SH3GL3: variants seen among roughly 807,000 people sequenced by gnomAD.
SH3GL3 encodes endophilin-A3.
Under a neutral mutation model 47.7 loss-of-function variants are expected in SH3GL3, and 33 were observed. That is an observed-to-expected ratio of 0.69 (90% CI 0.52 to 0.92). SH3GL3 has a LOEUF of 0.92. SH3GL3 is among the 40% of genes least tolerant of loss of function. The probability of loss-of-function intolerance (pLI) is 0.00; values close to 1 mark genes in which losing one functional copy is unlikely to be tolerated. For synonymous variants in SH3GL3, 155 were observed against 148.8 expected, an observed-to-expected ratio of 1.04 and a Z score of -0.30; for missense variants, 363 against 417.8, an observed-to-expected ratio of 0.87 and a Z score of 1.14.
In SH3GL3 at chr15:83,565,126, C is replaced by G. The variant is rs757519795; in HGVS notation, c.115-8C>G. The G allele has an allele frequency of 7.3e-7, 1 of 1,371,986 alleles. No homozygotes were observed. The highest frequency in any genetic ancestry group is 2.3e-5 in the East Asian group (1 of 42,864). 85.0% of individuals were successfully genotyped at this position (1,371,986 alleles called of 1,614,324 possible). A position where few individuals can be genotyped will look rare whatever the true frequency, so the allele number is the denominator to read the frequency against. On this transcript the variant is annotated splice_polypyrimidine_tract_variant and splice_region_variant and intron_variant, in intron 2 of 8. Coordinates refer to ENST00000427482, the MANE Select transcript of SH3GL3 (RefSeq NM_003027.5). ...ATTTACTAACTTTTTTTAAATTTTG[C>G]TTTTAAGAAAATAGATGTTACCAAT...
chr15:83,553,499 C>T (rs1444085912), intron 1 of SH3GL3, among the ~76,000 whole-genome samples: 3 of 152,172 alleles, frequency 2.0e-5, no homozygotes, highest in African/African-American at 7.2e-5. Flanking sequence ...CTTCCTCCCT[C>T]TCCCTTTATT....
chr15:83,562,308 G>C (rs1056298650), intron 2 of SH3GL3, among the ~76,000 whole-genome samples: 2 of 151,900 alleles, frequency 1.3e-5, no homozygotes, highest in Non-Finnish European at 2.9e-5. Context: ...GCAAGTTTTT[G>C]GTCATTTGTT....
chr15:83,560,606 C>G (rs993547613), intron 2 of SH3GL3, among the ~76,000 whole-genome samples: 8 of 152,052 alleles, frequency 5.3e-5, no homozygotes, highest in African/African-American at 1.7e-4. Flanking sequence ...TCTTGCTTAC[C>G]TCCTTTTACC....
chr15:83,596,915 GT>G (rs1425291847), intron 8 of SH3GL3, among the ~76,000 whole-genome samples: 4 of 151,818 alleles, frequency 2.6e-5, no homozygotes, highest in Non-Finnish European at 4.4e-5. Flanking sequence ...CTGTACCTCT[GT>G]TTTTTTATTC....
intron 1 of SH3GL3, among the ~76,000 whole-genome samples, chr15:83,495,482 C>G (rs984247255): frequency 6.6e-6 from 1 of 152,326 alleles, no homozygotes; most frequent in Non-Finnish European, 1.5e-5. Context: ...TGCCTGTAAT[C>G]TCAGCATTTT....
chr15:83,530,582 T>C (rs1237894665), intron 1 of SH3GL3, among the ~76,000 whole-genome samples: 1 of 152,004 alleles, frequency 6.6e-6, no homozygotes, highest in Non-Finnish European at 1.5e-5. Context: ...TAGTCAGTCA[T>C]TTTGAACCTC....
At chr15:83,597,900 G>C (rs1253373238) in intron 8 of SH3GL3, among the ~76,000 whole-genome samples, 1 of 152,156 alleles carries the variant, frequency 6.6e-6, no homozygotes, top group African/African-American at 2.4e-5. Flanking sequence ...GAGCCACCAC[G>C]CCTGGCCCTT....
chr15:83,574,175 A>G (rs1156243204), intron 5 of SH3GL3, among the ~76,000 whole-genome samples: 1 of 152,166 alleles, frequency 6.6e-6, no homozygotes, highest in Non-Finnish European at 1.5e-5. Context: ...GGAAAGGCTG[A>G]GAGTCACGGA....
intron 1 of SH3GL3, chr15:83,490,914 G>A: frequency 6.2e-7 from 1 of 1,614,084 alleles, no homozygotes; most frequent in Non-Finnish European, 8.5e-7. Flanking sequence ...TAATAAATGG[G>A]AAAATGTTAA....
At chr15:83,553,137 G>A (rs72760352) in intron 1 of SH3GL3, among the ~76,000 whole-genome samples, 3,125 of 152,172 alleles carry the variant, frequency 0.021, 61 homozygotes, top group Non-Finnish European at 0.028. Flanking sequence ...ATGATGCTGT[G>A]CACCTGTGGT....
chr15:83,583,043 T>C (rs940050179), intron 6 of SH3GL3, among the ~76,000 whole-genome samples: 11 of 152,212 alleles, frequency 7.2e-5, no homozygotes, highest in African/African-American at 2.2e-4. Flanking sequence ...GTCTTTGATA[T>C]GATAGAGCAA....
chr15:83,557,591 C>A (rs2045026651), intron 1 of SH3GL3, among the ~76,000 whole-genome samples: 1 of 152,242 alleles, frequency 6.6e-6, no homozygotes, highest in South Asian at 2.1e-4. Context: ...CACGTTACTG[C>A]AGTCACCTGC....
At chr15:83,595,041 CACAT>C (rs1567022689) in intron 8 of SH3GL3, among the ~76,000 whole-genome samples, 1 of 152,212 alleles carries the variant, frequency 6.6e-6, no homozygotes, top group Non-Finnish European at 1.5e-5. Flanking sequence ...ACCATAAAGA[CACAT>C]ACACGTGTAT....
intron 1 of SH3GL3, among the ~76,000 whole-genome samples, chr15:83,522,880 A>C (rs549297395): frequency 1.3e-5 from 2 of 152,324 alleles, no homozygotes; most frequent in East Asian, 3.9e-4. Context: ...ATTACCTTTC[A>C]TCCTAAATCA....
At chr15:83,499,395 CAAAA>C (rs11374002) in intron 1 of SH3GL3, among the ~76,000 whole-genome samples, 3 of 122,060 alleles carry the variant, frequency 2.5e-5, no homozygotes, top group Admixed American at 1.8e-4. Flanking sequence ...GACTCCATCT[CAAAA>C]AAAAAAAAAA....
chr15:83,588,527 T>A, intron 7 of SH3GL3, 135 bp from the exon 8 acceptor site: 1 of 632,912 alleles, frequency 1.6e-6, no homozygotes, highest in South Asian at 1.9e-5. Flanking sequence ...TACTCAAGAG[T>A]CAGTGTGTAA....
intron 8 of SH3GL3, among the ~76,000 whole-genome samples, chr15:83,605,099 G>A (rs1337400488): frequency 6.6e-6 from 1 of 152,150 alleles, no homozygotes; most frequent in Non-Finnish European, 1.5e-5. Context: ...TTCCTAGAAG[G>A]GCGATGTACA....
rs534336414 is a variant in SH3GL3 at position 83,559,403 on chromosome 15, C to G, written c.114+82C>G. The G allele has an allele frequency of 1.4e-5, 11 of 811,722 alleles. No individual in the cohort carries two copies. In the East Asian group the frequency reaches 2.5e-4, roughly 18 times the overall value. The allele number at this position is 811,722 out of a possible 1,614,324, so 50.3% of individuals were successfully genotyped here. A position where few individuals can be genotyped will look rare whatever the true frequency, so the allele number is the denominator to read the frequency against. On this transcript the variant is annotated intron_variant, in intron 2 of 8. Coordinates refer to ENST00000427482, the MANE Select transcript of SH3GL3 (RefSeq NM_003027.5). ...ATATACTGCTATTGTAAAGGATATT[C>G]GAGTGGAAATCTAGGATGTTTAAAT...
intron 1 of SH3GL3, among the ~76,000 whole-genome samples, chr15:83,528,768 TAAC>T (rs2043535129): frequency 6.6e-6 from 1 of 152,220 alleles, no homozygotes; most frequent in African/African-American, 2.4e-5. Context: ...GCTTCCTTAA[TAAC>T]ATTATTTTGA....
Sources: allele counts gnomAD v4.1 joint callset (sites outside exome capture counted in the v4.1 genomes callset), GRCh38; gene constraint gnomAD v4.1.1; transcripts MANE v1.5; gene names NCBI Gene and HGNC (gene_info 2026-07-23, HGNC 2026-07-21).